Variants in BCAR3 observed in about 807,000 individuals in gnomAD.
BCAR3 encodes breast cancer anti-estrogen resistance protein 3.
Under a neutral mutation model 80.1 loss-of-function variants are expected in BCAR3, and 37 were observed. The ratio of observed to expected loss-of-function variants is 0.46; its 90% CI spans 0.36 to 0.61. The LOEUF is 0.61. Ranked by LOEUF, BCAR3 falls within the 20% of genes least tolerant of loss-of-function variation. BCAR3 has a pLI of 0.00. For synonymous variants in BCAR3, 389 were observed against 418.9 expected (o/e 0.93, Z 0.87); for missense variants, 978 against 1,068.2 (o/e 0.92, Z 1.18).
At chr1:93,831,659 C>A (rs1170959484) in intron 2 of BCAR3, among the ~76,000 whole-genome samples, 2 of 152,142 alleles carry the variant, frequency 1.3e-5, no homozygotes, top group Non-Finnish European at 2.9e-5. Context: ...TCCTTTGAAT[C>A]CTCCTTTTCT....
chr1:93,627,353 G>C lies in BCAR3; in HGVS notation c.357+14951C>G, dbSNP rs575663361. ...AAACAAGTTCATTGACAGGATTTCA[G>C]AGTCCACATTGCAGTTAACTTTTAA... On this transcript the variant is annotated intron_variant, in intron 3 of 11. Transcript: ENST00000260502. 6.6e-5 allele frequency among the ~76,000 whole-genome samples: 10 copies of C among 152,296 alleles called. No homozygotes were observed. In the South Asian group the frequency reaches 1.7e-3, roughly 25 times the overall value.
At chr1:93,711,686 C>T (rs990405472) in intron 2 of BCAR3, among the ~76,000 whole-genome samples, 1 of 152,340 alleles carries the variant, frequency 6.6e-6, no homozygotes, top group South Asian at 2.1e-4. Context: ...GAGCCTAGTA[C>T]AGTACCTGGC....
intron 2 of BCAR3, among the ~76,000 whole-genome samples, chr1:93,670,306 C>T (rs1010011922): frequency 1.3e-5 from 2 of 152,086 alleles, no homozygotes; most frequent in Non-Finnish European, 2.9e-5. Context: ...ACCACAAGTA[C>T]ATCCAAGGGC....
At chr1:93,591,608 C>T (rs990583412) in intron 4 of BCAR3, among the ~76,000 whole-genome samples, 5 of 152,170 alleles carry the variant, frequency 3.3e-5, no homozygotes, top group Non-Finnish European at 5.9e-5. Flanking sequence ...AATTCTATGC[C>T]TCAATTCTGC....
At chr1:93,817,053 G>A (rs576226732) in intron 2 of BCAR3, among the ~76,000 whole-genome samples, 67 of 152,220 alleles carry the variant, frequency 4.4e-4, no homozygotes, top group Admixed American at 2.7e-3. Flanking sequence ...GGATGGTTCC[G>A]CAATATCTGC....
intron 3 of BCAR3, among the ~76,000 whole-genome samples, chr1:93,605,110 G>A (rs1342189332): frequency 6.6e-6 from 1 of 152,138 alleles, no homozygotes; most frequent in African/African-American, 2.4e-5. Flanking sequence ...CTTCCGTCTA[G>A]ATCAAATTTA....
At chr1:93,660,890 T>C (rs1354434214) in intron 2 of BCAR3, among the ~76,000 whole-genome samples, 2 of 152,078 alleles carry the variant, frequency 1.3e-5, no homozygotes, top group Non-Finnish European at 2.9e-5. Context: ...AATTTCTTTT[T>C]TTTTAGACGG....
chr1:93,593,247 T>C (rs958668324), intron 3 of BCAR3, among the ~76,000 whole-genome samples: 1 of 152,200 alleles, frequency 6.6e-6, no homozygotes, highest in Non-Finnish European at 1.5e-5. Flanking sequence ...GAAAGTCCCA[T>C]GAACAGAAAA....
chr1:93,780,595 G>A (rs1485869864), intron 2 of BCAR3, among the ~76,000 whole-genome samples: 1 of 151,998 alleles, frequency 6.6e-6, no homozygotes. Context: ...CAAGATGGAG[G>A]AGCCAGGATT....
chr1:93,718,211 G>A (rs1399394686), intron 2 of BCAR3, among the ~76,000 whole-genome samples: 1 of 152,212 alleles, frequency 6.6e-6, no homozygotes, highest in African/African-American at 2.4e-5. Flanking sequence ...CATTTGGCCT[G>A]AGTCTGGTAA....
At chr1:93,618,387 G>T (rs1380898805) in intron 3 of BCAR3, among the ~76,000 whole-genome samples, 2 of 152,216 alleles carry the variant, frequency 1.3e-5, no homozygotes, top group Admixed American at 1.3e-4. Flanking sequence ...TCTCTATCCG[G>T]AAGCAATATT....
At position 93,566,465 on chromosome 1, in the gene BCAR3, A is replaced by G. The variant is rs143160378; in HGVS notation, c.2299+814T>C. Among the ~76,000 whole-genome samples the G allele has an allele frequency of 1.1e-3, 162 of 152,258 alleles. 3 individuals carry two copies. The highest frequency in any genetic ancestry group is 3.6e-3 in the African/African-American group (150 of 41,556). ...ATCCAGTTAGCACGGTGCCGCGCGC[A>G]TGCCACATGTGTGATAAATGCCGGC... On this transcript the variant is annotated intron_variant, in intron 11 of 11. Transcript: ENST00000260502.
intron 2 of BCAR3, among the ~76,000 whole-genome samples, chr1:93,830,592 T>C (rs985961515): frequency 6.6e-6 from 1 of 152,138 alleles, no homozygotes; most frequent in Non-Finnish European, 1.5e-5. Flanking sequence ...ACTACAATTT[T>C]CCACTACCCA....
At chr1:93,708,176 G>A (rs557908917) in intron 2 of BCAR3, among the ~76,000 whole-genome samples, 1 of 152,312 alleles carries the variant, frequency 6.6e-6, no homozygotes, top group South Asian at 2.1e-4. Context: ...CCTGAATAGA[G>A]AAAAGAGTAA....
intron 2 of BCAR3, among the ~76,000 whole-genome samples, chr1:93,797,753 T>C (rs1311658861): frequency 6.6e-6 from 1 of 152,168 alleles, no homozygotes; most frequent in Non-Finnish European, 1.5e-5. Context: ...ACAAATTAAG[T>C]GAATTATCTG....
upstream of BCAR3, among the ~76,000 whole-genome samples, chr1:93,684,721 G>GTGTTTTTTGCTTTT (rs1553165679): frequency 7.9e-6 from 1 of 127,120 alleles, no homozygotes; most frequent in African/African-American, 3.9e-5. Context: ...TTTGAATCAG[G>GTGTTTTTTGCTTTT]TGTTTTTTGT....
chr1:93,772,772 A>C (rs574600077), intron 2 of BCAR3, among the ~76,000 whole-genome samples: 11 of 151,946 alleles, frequency 7.2e-5, no homozygotes, highest in Non-Finnish European at 1.3e-4. Context: ...CGCCCAGCTA[A>C]TTTTTGTATT....
At chr1:93,730,089 C>T (rs953153812) in intron 2 of BCAR3, among the ~76,000 whole-genome samples, 34 of 152,100 alleles carry the variant, frequency 2.2e-4, no homozygotes, top group African/African-American at 7.7e-4. Context: ...TCCCAGGAAG[C>T]AGTTTTCTTT....
At chr1:93,826,115 G>A (rs1345581538) in intron 2 of BCAR3, among the ~76,000 whole-genome samples, 3 of 152,112 alleles carry the variant, frequency 2.0e-5, no homozygotes, top group African/African-American at 4.8e-5. Flanking sequence ...TCTTTAGAGT[G>A]CCCTGCCATG....
Sources: gnomAD v4.1 joint callset for allele counts (sites outside exome capture counted in the v4.1 genomes callset) on GRCh38, gnomAD v4.1.1 for gene constraint, MANE v1.5 for transcripts, NCBI Gene and HGNC (gene_info 2026-07-23, HGNC 2026-07-21) for gene names.